The following SLC28A1 variants were observed in gnomAD, a reference collection of about 807,000 sequenced individuals.
SLC28A1 encodes the protein solute carrier family 28 member 1, also known as sodium/nucleoside cotransporter 1.
In SLC28A1, 64 loss-of-function variants were observed where a neutral mutation model predicts 74.8. That is an observed-to-expected ratio of 0.86 (90% CI 0.70 to 1.05). The LOEUF (loss-of-function observed/expected upper bound fraction) is 1.05, where lower values mean the gene tolerates loss of function less well. Among genes scored for constraint, SLC28A1 ranks in the 50% least tolerant of loss-of-function variants. The pLI, the probability that SLC28A1 is intolerant of heterozygous loss-of-function variation, is 0.00. For synonymous variants in SLC28A1, 359 were observed against 335.0 expected (o/e 1.07, Z -0.78); for missense variants, 828 against 822.8 (o/e 1.01, Z -0.08).
intron 12 of SLC28A1, among the ~76,000 whole-genome samples, 155 bp from the exon 13 acceptor site, chr15:84,932,990 G>A (rs1452303359): frequency 8.1e-6 from 1 of 122,708 alleles, no homozygotes; most frequent in African/African-American, 2.9e-5. Flanking sequence ...ACACATAAAA[G>A]GTATTATTAT....
At chr15:84,921,113 C>T (rs1326505933) in intron 11 of SLC28A1, 44 bp downstream of exon 11, 2 of 1,446,694 alleles carry the variant, frequency 1.4e-6, no homozygotes, top group East Asian at 2.3e-5. Flanking sequence ...CAGCAGCTTC[C>T]CCAAAGAGGG....
chr15:84,890,945 G>A (rs1965305588), intron 5 of SLC28A1, among the ~76,000 whole-genome samples: 1 of 152,190 alleles, frequency 6.6e-6, no homozygotes, highest in African/African-American at 2.4e-5. Flanking sequence ...AAAACTGGCA[G>A]GGTGTGGGTT....
intron 3 of SLC28A1, among the ~76,000 whole-genome samples, chr15:84,888,399 AC>A: frequency 7.9e-6 from 1 of 127,366 alleles, no homozygotes; most frequent in African/African-American, 2.9e-5. Flanking sequence ...AAGAATACCC[AC>A]CCCCCACCCA....
rs1965811663 is a variant in SLC28A1 at position 84,895,022 on chromosome 15, C to T, written c.360C>T (p.Leu120=). 6.2e-7 allele frequency: 1 copy of T among 1,614,236 alleles called. No homozygotes were observed. Among genetic ancestry groups the T allele is most frequent in the Non-Finnish European group, 8.5e-7 (1 of 1,180,042 alleles). Reference sequence around the variant, plus strand: ...TGTTTGTCCTCACCTGTGTGGTCCTCACCTTCCTGGGCCACCGCCTGCTGA... The same window carrying T: ...TGTTTGTCCTCACCTGTGTGGTCCTTACCTTCCTGGGCCACCGCCTGCTGA... ...LALFVLTCVV[L]TFLGHRLLKR... The change falls in exon 6 of 19, where the codon CTC becomes CTT. Residue 120 remains leucine (L), a synonymous_variant. Transcript: ENST00000394573.
intron 13 of SLC28A1, 28 bp from the exon 14 acceptor site, chr15:84,934,998 T>A: frequency 6.2e-7 from 1 of 1,608,272 alleles, no homozygotes; most frequent in Non-Finnish European, 8.5e-7. Context: ...GACAGGCCAG[T>A]AATGATCATT....
At chr15:84,921,101 A>C in intron 11 of SLC28A1, 32 bp downstream of exon 11, 1 of 1,529,070 alleles carries the variant, frequency 6.5e-7, no homozygotes, top group South Asian at 1.1e-5. Context: ...CCTCATGCTC[A>C]TCAGCAGCTT....
rs1285525003 is a variant in SLC28A1 at position 84,890,489 on chromosome 15, C to T, written c.232C>T (p.His78Tyr). Residue 78 changes from histidine (H) to tyrosine (Y), a missense_variant, in exon 5 of 19, where the codon CAC becomes TAC. His to Tyr is a moderately conservative substitution (Grantham distance 83). Transcript: ENST00000394573. ...ALRARSFCRE[H>Y]MQLFRWIGTG... ...GAGAGCCAGAAGCTTCTGCAGGGAG[C>T]ACATGCAGCTGTTTCGATGGATCGG... The T allele has an allele frequency of 1.9e-6, 3 of 1,611,044 alleles. No homozygotes were observed. Among genetic ancestry groups the T allele is most frequent in the Admixed American group, 3.3e-5 (2 of 59,928 alleles).
the SLC28A1 span, among the ~76,000 whole-genome samples, chr15:84,957,910 A>G: frequency 4.6e-5 from 7 of 152,212 alleles, no homozygotes; most frequent in Non-Finnish European, 8.8e-5. Flanking sequence ...TTTGAGGGGT[A>G]CATCCAGTTT....
chr15:84,887,690 T>G (rs1462403286), intron 2 of SLC28A1, 55 bp from the exon 3 acceptor site: 1 of 1,584,280 alleles, frequency 6.3e-7, no homozygotes, highest in Non-Finnish European at 8.7e-7. Context: ...GCCCCTAAAC[T>G]GGGCCCTGCC....
intron 6 of SLC28A1, 160 bp downstream of exon 6, chr15:84,895,283 G>A: frequency 1.3e-6 from 2 of 1,592,910 alleles, no homozygotes; most frequent in Non-Finnish European, 1.7e-6. Context: ...TTCAAACAAA[G>A]CAGCATCTTT....
chr15:84,924,178 A>C, intron 12 of SLC28A1, 68 bp downstream of exon 12: 1 of 1,555,798 alleles, frequency 6.4e-7, no homozygotes, highest in South Asian at 1.1e-5. Context: ...GGAGCCCCAC[A>C]CAGCTCCTGG....
At chr15:84,898,155 G>C (rs935586319) in intron 6 of SLC28A1, among the ~76,000 whole-genome samples, 2 of 150,424 alleles carry the variant, frequency 1.3e-5, no homozygotes, top group African/African-American at 4.9e-5. Flanking sequence ...TATATACCCA[G>C]TAGTGGAATT....
intron 6 of SLC28A1, among the ~76,000 whole-genome samples, chr15:84,900,260 G>A (rs559100830): frequency 2.0e-4 from 24 of 117,582 alleles, no homozygotes; most frequent in African/African-American, 6.4e-4. Flanking sequence ...AACCTGGGAG[G>A]TGGAGGTTGC....
At chr15:84,889,087 GA>G (rs1432217689) in intron 4 of SLC28A1, among the ~76,000 whole-genome samples, 8 of 152,152 alleles carry the variant, frequency 5.3e-5, no homozygotes, top group Non-Finnish European at 1.0e-4. Context: ...ATCCCATCAG[GA>G]ACCCCAGTAT....
the SLC28A1 span, among the ~76,000 whole-genome samples, chr15:84,954,981 G>A: frequency 6.6e-6 from 1 of 152,086 alleles, no homozygotes; most frequent in Admixed American, 6.6e-5. Flanking sequence ...CTTGTTCGCT[G>A]GGACACTCAC....
At chr15:84,946,857 C>T (rs532221940), downstream of SLC28A1, among the ~76,000 whole-genome samples, 1 of 152,172 alleles carries the variant, frequency 6.6e-6, no homozygotes. Flanking sequence ...CTGCTCCCAT[C>T]TCAGTTCTCA....
chr15:84,918,661 C>A, intron 10 of SLC28A1, 57 bp downstream of exon 10: 9 of 1,327,626 alleles, frequency 6.8e-6, no homozygotes, highest in Non-Finnish European at 9.8e-6. Context: ...TCACAGGGTT[C>A]ACACTGTCCC....
chr15:84,926,795 T>C (rs978584233), intron 12 of SLC28A1, among the ~76,000 whole-genome samples: 1 of 23,784 alleles, frequency 4.2e-5, no homozygotes, highest in Non-Finnish European at 9.0e-5. Flanking sequence ...GTGTGGGGGG[T>C]GGGGGGAGGG....
At chr15:84,965,911 G>A in the SLC28A1 span, among the ~76,000 whole-genome samples, 2 of 145,768 alleles carry the variant, frequency 1.4e-5, no homozygotes, top group African/African-American at 2.7e-5. Flanking sequence ...GGAGGGGGGG[G>A]AAATATTAGG....
Sources: gnomAD v4.1 joint callset for allele counts (sites outside exome capture counted in the v4.1 genomes callset) on GRCh38, gnomAD v4.1.1 for gene constraint, MANE v1.5 for transcripts, NCBI Gene and HGNC (gene_info 2026-07-23, HGNC 2026-07-21) for gene names.